The following ANKRD6 variants were observed in gnomAD, a reference collection of about 807,000 sequenced individuals.
The protein encoded by ANKRD6 is ankyrin repeat domain-containing protein 6.
ANKRD6 carries 56 observed loss-of-function variants against 82.3 expected under a neutral mutation model. The ratio of observed to expected loss-of-function variants is 0.68; its 90% CI spans 0.55 to 0.85. The LOEUF (loss-of-function observed/expected upper bound fraction) is 0.85. Ranked by LOEUF, ANKRD6 falls within the 40% of genes least tolerant of loss-of-function variation. The pLI, the probability that ANKRD6 is intolerant of heterozygous loss-of-function variation, is 0.00. For missense variants in ANKRD6, 852 were observed against 907.6 expected, an observed-to-expected ratio of 0.94 and a Z score of 0.79; for synonymous variants, 347 against 352.1, an observed-to-expected ratio of 0.99 and a Z score of 0.16.
At chr6:89,464,185 T>C (rs1337070180) in intron 1 of ANKRD6, among the ~76,000 whole-genome samples, 1 of 152,140 alleles carries the variant, frequency 6.6e-6, no homozygotes, top group East Asian at 1.9e-4. Context: ...ATAAGTTAAT[T>C]GTAACACTAG....
At chr6:89,622,249 C>T (rs772427291) in intron 10 of ANKRD6, among the ~76,000 whole-genome samples, 6 of 152,322 alleles carry the variant, frequency 3.9e-5, no homozygotes, top group East Asian at 1.9e-4. Flanking sequence ...GCCCATTACC[C>T]GTCCAGTACA....
intron 1 of ANKRD6, among the ~76,000 whole-genome samples, chr6:89,455,072 G>C (rs750439455): frequency 2.7e-4 from 41 of 151,636 alleles, no homozygotes; most frequent in African/African-American, 9.2e-4. Flanking sequence ...TCGAACTCTC[G>C]ATCTCAAGTG....
intron 1 of ANKRD6, among the ~76,000 whole-genome samples, chr6:89,495,749 A>G (rs1344466897): frequency 6.6e-6 from 1 of 152,222 alleles, no homozygotes; most frequent in Non-Finnish European, 1.5e-5. Context: ...TCAGCTCATT[A>G]TAATTTATTG....
At chr6:89,482,587 C>G (rs899530390) in intron 1 of ANKRD6, among the ~76,000 whole-genome samples, 1 of 152,116 alleles carries the variant, frequency 6.6e-6, no homozygotes, top group African/African-American at 2.4e-5. Context: ...CTACCCTCTC[C>G]CCAGTCCTGC....
chr6:89,468,416 A>G (rs1040774365), intron 1 of ANKRD6, among the ~76,000 whole-genome samples: 5 of 152,110 alleles, frequency 3.3e-5, no homozygotes, highest in Non-Finnish European at 7.4e-5. Context: ...AGGCATGGTT[A>G]AGCTGTTTTT....
intron 1 of ANKRD6, among the ~76,000 whole-genome samples, chr6:89,441,747 C>T (rs991477578): frequency 6.7e-6 from 1 of 149,644 alleles, no homozygotes; most frequent in Non-Finnish European, 1.5e-5. Context: ...GTTCTCCTGC[C>T]TCAGCCTACC....
intron 3 of ANKRD6, chr6:89,598,280 C>G (rs1330790696): frequency 1.0e-6 from 1 of 985,256 alleles, no homozygotes; most frequent in African/African-American, 1.7e-5. Context: ...AATGCCATCT[C>G]TGATTGGTCA....
intron 5 of ANKRD6, among the ~76,000 whole-genome samples, chr6:89,610,160 C>G (rs956071573): frequency 5.9e-5 from 9 of 152,170 alleles, no homozygotes; most frequent in Admixed American, 3.3e-4. Context: ...TGAAGTCACG[C>G]TGTTCTGTGA....
chr6:89,488,866 ATCTATTCTATTCTATTCTATTCTAT>A (rs57575981), intron 1 of ANKRD6, among the ~76,000 whole-genome samples: 19 of 143,214 alleles, frequency 1.3e-4, no homozygotes, highest in South Asian at 7.1e-4. Flanking sequence ...AAATATATCG[ATCTATTCTATTCTATTCTATTCTAT>A]TCTATTCTAT....
intron 1 of ANKRD6, among the ~76,000 whole-genome samples, chr6:89,524,698 A>G (rs1276715564): frequency 6.6e-6 from 1 of 152,132 alleles, no homozygotes; most frequent in Non-Finnish European, 1.5e-5. Context: ...ATGCATATGC[A>G]AGTGTCTTTT....
chr6:89,511,793 C>T (rs1475001199), intron 1 of ANKRD6, among the ~76,000 whole-genome samples: 1 of 152,094 alleles, frequency 6.6e-6, no homozygotes, highest in South Asian at 2.1e-4. Context: ...TTTAGGATTA[C>T]CTTATGATTT....
At chr6:89,537,879 C>CAAAAAAAAAAAAAAAAAA (rs55864526) in intron 1 of ANKRD6, among the ~76,000 whole-genome samples, 2 of 110,812 alleles carry the variant, frequency 1.8e-5, no homozygotes, top group Non-Finnish European at 3.6e-5. Flanking sequence ...GACAATGTCT[C>CAAAAAAAAAAAAAAAAAA]AAAAAAAAAA....
chr6:89,612,517 A>G, intron 6 of ANKRD6, 147 bp downstream of exon 6: 1 of 795,532 alleles, frequency 1.3e-6, no homozygotes, highest in Non-Finnish European at 1.9e-6. Context: ...TTTTTTTGGC[A>G]ATTTTCTAAG....
chr6:89,556,055 C>T (rs1431164675), intron 1 of ANKRD6, among the ~76,000 whole-genome samples: 1 of 152,244 alleles, frequency 6.6e-6, no homozygotes, highest in African/African-American at 2.4e-5. Flanking sequence ...AGAGGAAGAG[C>T]AGTCCATAGA....
chr6:89,441,862 CCTCAGGTGATCTGCCTGCCTTGGCTT>C (rs1771439660), intron 1 of ANKRD6, among the ~76,000 whole-genome samples: 2 of 151,614 alleles, frequency 1.3e-5, no homozygotes, highest in South Asian at 4.2e-4. Flanking sequence ...GAACTCCTGG[CCTCAGGTGATCTGCCTGCCTTGGCTT>C]CTCAAAGTGT....
chr6:89,592,608 G>T (rs543237466), intron 2 of ANKRD6, among the ~76,000 whole-genome samples: 6 of 152,168 alleles, frequency 3.9e-5, no homozygotes, highest in Non-Finnish European at 8.8e-5. Flanking sequence ...CCTCCCAGAA[G>T]TGATCTTCTT....
chr6:89,479,544 A>AT (rs1334055980), intron 1 of ANKRD6, among the ~76,000 whole-genome samples: 2 of 151,184 alleles, frequency 1.3e-5, no homozygotes, highest in African/African-American at 2.4e-5. Context: ...TGTAGCATAC[A>AT]TTTTTTGCAT....
In ANKRD6 at chr6:89,513,885, A is replaced by G. The variant is rs150381693; in HGVS notation, c.-143-52949A>G. Among the ~76,000 whole-genome samples, 518 of 152,370 alleles carry G rather than the reference A, an allele frequency of 3.4e-3. 1 individual carries two copies. The highest frequency in any genetic ancestry group is 7.1e-3 in the Admixed American group (109 of 15,306). ...AATTCAGAATGCGTTCACTATTTCT[A>G]TAGATAAATTTTTTAATGTATAATG... On this transcript the variant is annotated intron_variant, in intron 1 of 15. Transcript: ENST00000339746.
intron 2 of ANKRD6, among the ~76,000 whole-genome samples, chr6:89,591,655 T>G (rs564642697): frequency 7.9e-5 from 12 of 152,316 alleles, no homozygotes; most frequent in African/African-American, 2.9e-4. Context: ...AAGGGCTCTA[T>G]TTTTGTTGCT....
Sources: allele counts gnomAD v4.1 joint callset (sites outside exome capture counted in the v4.1 genomes callset), GRCh38; gene constraint gnomAD v4.1.1; transcripts MANE v1.5; gene names NCBI Gene and HGNC (gene_info 2026-07-23, HGNC 2026-07-21).